The following EPB41L2 variants were observed in gnomAD, a reference collection of about 807,000 sequenced individuals.
EPB41L2 encodes erythrocyte membrane protein band 4.1 like 2, also known as band 4.1-like protein 2.
Under a neutral mutation model 113.0 loss-of-function variants are expected in EPB41L2, and 43 were observed. The observed-to-expected ratio is 0.38, with a 90% CI of 0.30 to 0.49. The LOEUF (loss-of-function observed/expected upper bound fraction) is 0.49, where lower values mean the gene tolerates loss of function less well. EPB41L2 is among the 20% of genes least tolerant of loss of function. The probability of loss-of-function intolerance (pLI) is 0.95; values close to 1 mark genes in which losing one functional copy is unlikely to be tolerated. For missense variants in EPB41L2, 1,147 were observed against 1,223.4 expected (o/e 0.94, Z 0.93); for synonymous variants, 442 against 436.7 (o/e 1.01, Z -0.15).
intron 3 of EPB41L2, among the ~76,000 whole-genome samples, chr6:130,936,939 C>T (rs1282271797): frequency 6.6e-6 from 1 of 152,224 alleles, no homozygotes; most frequent in Non-Finnish European, 1.5e-5. Context: ...GAATTAGAAT[C>T]TACAAAAGAA....
chr6:131,008,210 C>A (rs1005783998), intron 1 of EPB41L2, among the ~76,000 whole-genome samples: 27 of 152,358 alleles, frequency 1.8e-4, no homozygotes, highest in Non-Finnish European at 2.9e-4. Context: ...ATGTGCCCTG[C>A]ATCCCAGCTG....
At chr6:131,023,796 C>A (rs1201572292) in intron 1 of EPB41L2, among the ~76,000 whole-genome samples, 1 of 145,666 alleles carries the variant, frequency 6.9e-6, no homozygotes, top group East Asian at 2.4e-4. Context: ...TAGATATATC[C>A]CTTTCCTGAA....
chr6:131,014,746 G>C (rs1162026836), intron 1 of EPB41L2, among the ~76,000 whole-genome samples: 1 of 152,108 alleles, frequency 6.6e-6, no homozygotes, highest in African/African-American at 2.4e-5. Flanking sequence ...AATTACACAA[G>C]ACCCATTACA....
chr6:130,874,330 T>C (rs1786782488), intron 14 of EPB41L2, among the ~76,000 whole-genome samples: 1 of 151,698 alleles, frequency 6.6e-6, no homozygotes, highest in Admixed American at 6.6e-5. Context: ...TTATAGAAAT[T>C]TGGAAAAGTG....
At chr6:130,988,445 G>C (rs569918559) in intron 1 of EPB41L2, among the ~76,000 whole-genome samples, 1 of 152,272 alleles carries the variant, frequency 6.6e-6, no homozygotes, top group Admixed American at 6.5e-5. Flanking sequence ...TTTGCTACTA[G>C]TATTAATCTC....
intron 1 of EPB41L2, chr6:131,015,826 T>A (rs1484426127): frequency 1.3e-5 from 2 of 152,088 alleles, no homozygotes; most frequent in Non-Finnish European, 2.9e-5. Flanking sequence ...TACTGCCAAA[T>A]AGGCTATGTC....
At chr6:130,954,058 T>C (rs1336190233) in intron 3 of EPB41L2, among the ~76,000 whole-genome samples, 9 of 109,294 alleles carry the variant, frequency 8.2e-5, no homozygotes, top group East Asian at 5.3e-4. Context: ...TTTTTTTTTT[T>C]TTTTTTTTTT....
At chr6:131,002,491 C>T (rs574215217) in intron 1 of EPB41L2, among the ~76,000 whole-genome samples, 3 of 152,152 alleles carry the variant, frequency 2.0e-5, no homozygotes, top group South Asian at 2.1e-4. Flanking sequence ...GAATAAATGC[C>T]GTAAGTCTGT....
chr6:130,864,775 C>CA (rs1554242327), intron 17 of EPB41L2, among the ~76,000 whole-genome samples: 4 of 152,030 alleles, frequency 2.6e-5, no homozygotes, highest in African/African-American at 9.7e-5. Flanking sequence ...TTACAAATTA[C>CA]TTTTGCTGTT....
At chr6:130,905,484 T>A (rs1372655373) in intron 5 of EPB41L2, among the ~76,000 whole-genome samples, 3 of 151,716 alleles carry the variant, frequency 2.0e-5, no homozygotes, top group Non-Finnish European at 4.4e-5. Context: ...CGTGGCATGA[T>A]CATGGCTCAC....
At chr6:130,856,319 A>T (rs1346117778) in intron 19 of EPB41L2, among the ~76,000 whole-genome samples, 1 of 152,248 alleles carries the variant, frequency 6.6e-6, no homozygotes, top group African/African-American at 2.4e-5. Flanking sequence ...AACATATAAA[A>T]TTGACAAAGG....
At chr6:130,880,407 G>A in intron 12 of EPB41L2, 1 of 614,520 alleles carries the variant, frequency 1.6e-6, no homozygotes. Context: ...AATACTAATG[G>A]CAGGCAGCAG....
intron 8 of EPB41L2, among the ~76,000 whole-genome samples, chr6:130,896,562 A>G (rs1198648301): frequency 1.3e-5 from 2 of 152,378 alleles, no homozygotes; most frequent in Middle Eastern, 3.4e-3. Flanking sequence ...TTTGGACAGG[A>G]CAAGGAAGCT....
chr6:131,017,709 T>C (rs561119828), intron 1 of EPB41L2, among the ~76,000 whole-genome samples: 2 of 152,286 alleles, frequency 1.3e-5, no homozygotes, highest in East Asian at 3.9e-4. Context: ...CCTAGTGCAA[T>C]TGCTAGCTAG....
chr6:130,855,439 C>T (rs898963054), intron 19 of EPB41L2, among the ~76,000 whole-genome samples: 7 of 152,160 alleles, frequency 4.6e-5, no homozygotes, highest in Non-Finnish European at 1.0e-4. Context: ...TACATTTACT[C>T]AGGCCACTGG....
Position 130,878,164 on chromosome 6 carries a change from C to T in EPB41L2, c.1983G>A (p.Glu661=), listed in dbSNP as rs1235689366. 1 of 1,613,478 alleles carries T rather than the reference C, an allele frequency of 6.2e-7. No individual in the cohort carries two copies. The highest frequency in any genetic ancestry group is 2.2e-5 in the East Asian group (1 of 44,858). Residue 661 remains glutamate (E), a synonymous_variant, in exon 14 of 20, where the codon GAG becomes GAA. Transcript: ENST00000337057. ...LKRNFMESTP[E]PRPNEWEKRR... is the part of the protein sequence containing the mutation. ...GTTTTTCCCATTCATTAGGGCGCGG[C>T]TCAGGTGTGGATTCCATAAAATTGC...
At chr6:130,930,759 T>C (rs1217839807) in intron 3 of EPB41L2, among the ~76,000 whole-genome samples, 1 of 147,028 alleles carries the variant, frequency 6.8e-6, no homozygotes, top group Non-Finnish European at 1.5e-5. Context: ...AGAGACACAG[T>C]ATCAGAATCA....
chr6:131,040,645 T>A (rs2128183188), intron 1 of EPB41L2, among the ~76,000 whole-genome samples: 1 of 152,294 alleles, frequency 6.6e-6, no homozygotes, highest in Non-Finnish European at 1.5e-5. Flanking sequence ...CCAGATTATA[T>A]GCCAGTATCA....
At position 130,904,461 on chromosome 6, in the gene EPB41L2, G is replaced by A; in HGVS notation, c.929+4C>T. The A allele has an allele frequency of 6.4e-7, 1 of 1,572,066 alleles. No homozygotes were observed. The highest frequency in any genetic ancestry group is 1.7e-5 in the Admixed American group (1 of 58,398). ...GTTCATTTAAAAATGCAAATATAAA[G>A]TACCTGGTGATATCTTCAGTCAATT... On this transcript the variant is annotated splice_donor_region_variant and intron_variant, in intron 6 of 19. Transcript: ENST00000337057.
Sources: allele counts gnomAD v4.1 joint callset (sites outside exome capture counted in the v4.1 genomes callset), GRCh38; gene constraint gnomAD v4.1.1; transcripts MANE v1.5; gene names NCBI Gene and HGNC (gene_info 2026-07-23, HGNC 2026-07-21).